Variants in PPM1L observed in about 807,000 individuals in gnomAD.
The protein encoded by PPM1L is protein phosphatase 1L.
Under a neutral mutation model 31.4 loss-of-function variants are expected in PPM1L, and 13 were observed. The ratio of observed to expected loss-of-function variants is 0.41; its 90% CI spans 0.27 to 0.66. The LOEUF is 0.66. Among genes scored for constraint, PPM1L ranks in the 30% least tolerant of loss-of-function variants. The probability of loss-of-function intolerance (pLI) is 0.29; values close to 1 mark genes in which losing one functional copy is unlikely to be tolerated. For missense variants in PPM1L, 326 were observed against 453.7 expected, an observed-to-expected ratio of 0.72 and a Z score of 2.56; for synonymous variants, 184 against 175.4, an observed-to-expected ratio of 1.05 and a Z score of -0.39.
At chr3:160,885,051 C>T (rs1218921902) in intron 1 of PPM1L, among the ~76,000 whole-genome samples, 1 of 152,090 alleles carries the variant, frequency 6.6e-6, no homozygotes, top group East Asian at 1.9e-4. Context: ...TTTCTTTACC[C>T]TTGTCACCTT....
chr3:160,832,152 G>A (rs373236192), intron 1 of PPM1L, among the ~76,000 whole-genome samples: 23 of 152,130 alleles, frequency 1.5e-4, no homozygotes, highest in East Asian at 1.2e-3. Context: ...TAAGGAAAGG[G>A]GATGTTGAGT....
At chr3:161,034,338 C>G (rs1718672640) in intron 2 of PPM1L, among the ~76,000 whole-genome samples, 1 of 152,164 alleles carries the variant, frequency 6.6e-6, no homozygotes, top group Non-Finnish European at 1.5e-5. Flanking sequence ...AATCCCATTA[C>G]TGTGTATATA....
chr3:161,062,177 C>T (rs1179918664), intron 2 of PPM1L, among the ~76,000 whole-genome samples: 2 of 152,086 alleles, frequency 1.3e-5, no homozygotes, highest in African/African-American at 2.4e-5. Context: ...AAGCCCCCAG[C>T]AGACTTTTTT....
At chr3:160,802,383 G>A (rs558109479) in intron 1 of PPM1L, among the ~76,000 whole-genome samples, 5 of 152,218 alleles carry the variant, frequency 3.3e-5, no homozygotes, top group South Asian at 2.1e-4. Flanking sequence ...CCTACAATCC[G>A]GCTTGGAACT....
intron 1 of PPM1L, among the ~76,000 whole-genome samples, chr3:160,803,063 G>A (rs1442858159): frequency 6.6e-6 from 1 of 152,180 alleles, no homozygotes; most frequent in Non-Finnish European, 1.5e-5. Flanking sequence ...AGCTGGTCTG[G>A]CTGCAGCATT....
intron 1 of PPM1L, among the ~76,000 whole-genome samples, chr3:160,875,370 T>G (rs1438571565): frequency 6.6e-6 from 1 of 152,242 alleles, no homozygotes; most frequent in African/African-American, 2.4e-5. Context: ...ATGTTTAAAA[T>G]ACTAGTTTTC....
rs564732015 is a variant in PPM1L, at chr3:160,919,298, GTTC to G, written c.400-42433_400-42431del. Among the ~76,000 whole-genome samples, 17 of 152,228 alleles carry G rather than the reference GTTC, an allele frequency of 1.1e-4. No homozygotes were observed. The East Asian group carries it at 2.5e-3, about 22-fold the overall frequency. On this transcript the variant is annotated intron_variant, in intron 1 of 3. Coordinates refer to ENST00000498165, the MANE Select transcript of PPM1L (RefSeq NM_139245.4). Reference sequence around the variant, plus strand: ...TCCATCTGGCCTCTGTGACAACTATGTTCTTCTACTTTTTCATTTATCTAGGAT... The same window carrying G: ...TCCATCTGGCCTCTGTGACAACTATGTTCTACTTTTTCATTTATCTAGGAT...
intron 1 of PPM1L, among the ~76,000 whole-genome samples, chr3:160,834,829 C>T (rs977205373): frequency 6.6e-6 from 1 of 151,986 alleles, no homozygotes; most frequent in Admixed American, 6.6e-5. Context: ...AACCATTCAC[C>T]TATTGAGTGA....
At chr3:161,031,502 C>CATTTTTTTT (rs1718564313) in intron 2 of PPM1L, among the ~76,000 whole-genome samples, 3 of 101,686 alleles carry the variant, frequency 3.0e-5, no homozygotes, top group Non-Finnish European at 5.4e-5. Context: ...GTATTCTGTC[C>CATTTTTTTT]TTTTTTTTTT....
intron 1 of PPM1L, among the ~76,000 whole-genome samples, chr3:160,936,250 C>T (rs1161934500): frequency 2.0e-5 from 3 of 152,008 alleles, no homozygotes; most frequent in Admixed American, 6.6e-5. Flanking sequence ...CCACCACGCC[C>T]GGCTAATATT....
intron 1 of PPM1L, among the ~76,000 whole-genome samples, chr3:160,791,535 G>A (rs967145853): frequency 5.9e-5 from 9 of 151,812 alleles, no homozygotes; most frequent in Non-Finnish European, 1.0e-4. Flanking sequence ...ACCAAAAACC[G>A]TTCACTGAGC....
At chr3:160,946,527 C>T (rs1305471959) in intron 1 of PPM1L, among the ~76,000 whole-genome samples, 1 of 152,154 alleles carries the variant, frequency 6.6e-6, no homozygotes, top group African/African-American at 2.4e-5. Context: ...TGTAAAAACT[C>T]TCTCTTGATT....
chr3:160,980,156 A>G (rs779235254), intron 2 of PPM1L, among the ~76,000 whole-genome samples: 2 of 151,908 alleles, frequency 1.3e-5, no homozygotes, highest in South Asian at 2.1e-4. Context: ...TCTGATGTCA[A>G]TTTCTGTTGG....
At chr3:160,955,240 A>G (rs1715731751) in intron 1 of PPM1L, among the ~76,000 whole-genome samples, 1 of 151,836 alleles carries the variant, frequency 6.6e-6, no homozygotes, top group South Asian at 2.1e-4. Context: ...CGATCTCTTG[A>G]CCTCGTGATT....
intron 1 of PPM1L, 55 bp from the exon 2 acceptor site, chr3:160,961,681 G>C: frequency 6.7e-7 from 1 of 1,495,422 alleles, no homozygotes; most frequent in East Asian, 2.5e-5. Context: ...TAAGTAAAAA[G>C]TCTAAGGGGA....
intron 2 of PPM1L, among the ~76,000 whole-genome samples, chr3:161,027,892 C>A (rs1718454393): frequency 6.6e-6 from 1 of 152,208 alleles, no homozygotes; most frequent in Admixed American, 6.5e-5. Context: ...TAAAACCTAA[C>A]CATATGGAGG....
At chr3:160,939,281 G>A (rs999174686) in intron 1 of PPM1L, among the ~76,000 whole-genome samples, 3 of 151,974 alleles carry the variant, frequency 2.0e-5, no homozygotes, top group African/African-American at 7.3e-5. Flanking sequence ...CTGCAGCTCT[G>A]TAGCCCAATT....
chr3:160,976,330 A>C lies in PPM1L; in HGVS notation c.574+14420A>C, dbSNP rs1226497487. Reference sequence around the variant, plus strand: ...TGTTCATCAAGGATATTGGTCTAAAATTCTCTTTTTTGGTTGTGTCTCTGC... The same window carrying C: ...TGTTCATCAAGGATATTGGTCTAAACTTCTCTTTTTTGGTTGTGTCTCTGC... On this transcript the variant is annotated intron_variant, in intron 2 of 3. Coordinates refer to ENST00000498165, the MANE Select transcript of PPM1L (RefSeq NM_139245.4). Among the ~76,000 whole-genome samples, 23 of 144,872 alleles carry C rather than the reference A, an allele frequency of 1.6e-4. No homozygotes were observed. In the South Asian group the frequency reaches 5.1e-3, roughly 32 times the overall value.
At chr3:160,997,270 G>T (rs1717352070) in intron 2 of PPM1L, among the ~76,000 whole-genome samples, 1 of 152,162 alleles carries the variant, frequency 6.6e-6, no homozygotes, top group South Asian at 2.1e-4. Flanking sequence ...GACAGTAAAT[G>T]CTTGCAACAA....
Sources: gnomAD v4.1 joint callset for allele counts (sites outside exome capture counted in the v4.1 genomes callset) on GRCh38, gnomAD v4.1.1 for gene constraint, MANE v1.5 for transcripts, NCBI Gene and HGNC (gene_info 2026-07-23, HGNC 2026-07-21) for gene names.